AFF2: variants seen among roughly 807,000 people sequenced by gnomAD.
The protein encoded by AFF2 is AF4/FMR2 family member 2.
AFF2 carries 14 observed loss-of-function variants against 76.9 expected under a neutral mutation model. The ratio of observed to expected loss-of-function variants is 0.18; its 90% CI spans 0.12 to 0.28. AFF2 has a LOEUF of 0.28. AFF2 is among the 10% of genes least tolerant of loss of function. AFF2 has a pLI of 1.00. For synonymous variants in AFF2, 398 were observed against 366.7 expected (o/e 1.09, Z -0.98); for missense variants, 868 against 1,001.1 (o/e 0.87, Z 1.79).
intron 1 of AFF2, among the ~76,000 whole-genome samples, chrX:148,585,713 C>T (rs887779165): frequency 5.5e-5 from 6 of 109,266 alleles, no homozygotes; most frequent in Non-Finnish European, 9.5e-5. Flanking sequence ...TGGTGGCAGG[C>T]GCCTGTATTC....
In AFF2 at chrX:148,898,353, A is replaced by G. The variant is rs561139045; in HGVS notation, c.1360-5868A>G. ...ATGAAGGATTATGACAATGAGAGCA[A>G]TGTGATCAAAGTGGAGCCTTAGGAG... On this transcript the variant is annotated intron_variant, in intron 8 of 20. Transcript: ENST00000370460. Among the ~76,000 whole-genome samples the G allele has an allele frequency of 2.0e-3, 227 of 112,589 alleles. 11 individuals carry two copies. The South Asian group carries it at 0.08, about 40-fold the overall frequency.
chrX:148,809,412 A>G (rs1337139990), intron 3 of AFF2, among the ~76,000 whole-genome samples: 1 of 112,342 alleles, frequency 8.9e-6, no homozygotes, highest in East Asian at 2.8e-4. Context: ...CAAGCATGCA[A>G]TTTACACAGG....
chrX:148,635,610 G>T (rs782357527), intron 1 of AFF2, among the ~76,000 whole-genome samples: 1 of 111,788 alleles, frequency 8.9e-6, no homozygotes, highest in Non-Finnish European at 1.9e-5. Context: ...CATCAGAGAG[G>T]AATAAGTGAC....
chrX:148,512,629 A>C (rs1168186216), intron 1 of AFF2, among the ~76,000 whole-genome samples: 2 of 112,608 alleles, frequency 1.8e-5, no homozygotes, highest in African/African-American at 6.5e-5. Context: ...ATTTTACCCA[A>C]CAGCTACGCA....
intron 1 of AFF2, among the ~76,000 whole-genome samples, chrX:148,512,180 A>G (rs1326900626): frequency 1.8e-5 from 2 of 112,154 alleles, no homozygotes; most frequent in Non-Finnish European, 1.9e-5. Flanking sequence ...GACCTTTTTA[A>G]AAAAAATAAC....
At chrX:148,709,976 A>T (rs1557262762) in intron 3 of AFF2, among the ~76,000 whole-genome samples, 3 of 111,694 alleles carry the variant, frequency 2.7e-5, no homozygotes, top group Non-Finnish European at 3.8e-5. Context: ...TAGGTTCATG[A>T]CCTATAAATA....
rs782653301 is a variant in AFF2 at position 148,533,592 on chromosome X, C to T, written c.47+32448C>T. 1.4e-4 allele frequency among the ~76,000 whole-genome samples: 16 copies of T among 111,529 alleles called. No individual in the cohort carries two copies. The South Asian group carries it at 3.4e-3, about 24-fold the overall frequency. On this transcript the variant is annotated intron_variant, in intron 1 of 20. Transcript: ENST00000370460. ...CAGGCATGAGCCACTGCACCTGGCC[C>T]GATAATTTGTTTTATGTTAGTTTCT...
In AFF2 at chrX:148,934,155, G is replaced by A. The variant is rs781948827; in HGVS notation, c.1398-19425G>A. Reference sequence around the variant, plus strand: ...TCAGTCAAATACCTGGTTTGTGGTTGATCACCAGTCAGCTTTCAAAATAAA... The same window carrying A: ...TCAGTCAAATACCTGGTTTGTGGTTAATCACCAGTCAGCTTTCAAAATAAA... On this transcript the variant is annotated intron_variant, in intron 9 of 20. Transcript: ENST00000370460. Among the ~76,000 whole-genome samples the A allele has an allele frequency of 7.9e-4, 89 of 112,700 alleles. 1 individual carries two copies. Among genetic ancestry groups the A allele is most frequent in the Non-Finnish European group, 9.4e-4 (50 of 53,325 alleles).
chrX:148,588,499 G>A (rs1181668473), intron 1 of AFF2, among the ~76,000 whole-genome samples: 3 of 112,267 alleles, frequency 2.7e-5, no homozygotes, highest in Non-Finnish European at 3.8e-5. Flanking sequence ...TTGAGTTTGC[G>A]GAGTCGTTCA....
At chrX:148,922,808 C>A (rs1569557137) in intron 9 of AFF2, among the ~76,000 whole-genome samples, 1 of 111,824 alleles carries the variant, frequency 8.9e-6, no homozygotes, top group East Asian at 2.8e-4. Flanking sequence ...CACTTACCAT[C>A]CCTTTTCTCC....
Position 148,662,479 on chromosome X carries a change from C to T in AFF2, c.752C>T (p.Ser251Phe). The change falls in exon 3 of 21, where the codon TCT becomes TTT. Residue 251 changes from serine (S) to phenylalanine (F), a missense_variant. Ser to Phe is a radical substitution (Grantham distance 155, BLOSUM62 -2). Coordinates refer to ENST00000370460, the MANE Select transcript of AFF2 (RefSeq NM_002025.4). Reference sequence around the variant, plus strand: ...GAATTCGCCGTGCAAGCGCCTGGGTCTCCCCTAGTGGCTTCCTCTTTATTA... The same window carrying T: ...GAATTCGCCGTGCAAGCGCCTGGGTTTCCCCTAGTGGCTTCCTCTTTATTA... ...ESEFAVQAPG[S>F]PLVASSLLAP... 1 of 1,212,100 alleles carries T rather than the reference C, an allele frequency of 8.3e-7. No homozygotes were observed. Among genetic ancestry groups the T allele is most frequent in the Non-Finnish European group, 1.1e-6 (1 of 895,577 alleles).
intron 9 of AFF2, among the ~76,000 whole-genome samples, chrX:148,940,999 A>G (rs2071827865): frequency 8.9e-6 from 1 of 112,033 alleles, no homozygotes; most frequent in Non-Finnish European, 1.9e-5. Flanking sequence ...CAGGCATAAG[A>G]ACTTCTGTTT....
At chrX:148,646,309 T>C (rs2054142653) in intron 1 of AFF2, among the ~76,000 whole-genome samples, 1 of 111,805 alleles carries the variant, frequency 8.9e-6, no homozygotes, top group Admixed American at 9.5e-5. Flanking sequence ...TAGTTATATC[T>C]CAATCAAGCT....
intron 1 of AFF2, among the ~76,000 whole-genome samples, chrX:148,510,262 A>G (rs2052468207): frequency 8.9e-6 from 1 of 111,959 alleles, no homozygotes; most frequent in African/African-American, 3.2e-5. Flanking sequence ...ATTAATAGTA[A>G]TAATTTAAGC....
intron 1 of AFF2, among the ~76,000 whole-genome samples, chrX:148,587,889 C>A (rs2053484067): frequency 1.8e-5 from 2 of 112,654 alleles, no homozygotes; most frequent in Non-Finnish European, 3.7e-5. Flanking sequence ...ATTTCCCAGA[C>A]ACTCTGCATA....
intron 3 of AFF2, among the ~76,000 whole-genome samples, chrX:148,771,885 G>T (rs1191897682): frequency 9.0e-6 from 1 of 111,697 alleles, no homozygotes; most frequent in African/African-American, 3.2e-5. Flanking sequence ...TCTGTGACGT[G>T]TATATATGCA....
intron 4 of AFF2, among the ~76,000 whole-genome samples, chrX:148,834,077 T>C (rs1298020340): frequency 2.7e-5 from 3 of 112,226 alleles, no homozygotes; most frequent in Non-Finnish European, 5.6e-5. Context: ...TGGTGGAAAA[T>C]TGAGCCTTTT....
At chrX:148,908,769 G>GA (rs1278395234) in intron 9 of AFF2, among the ~76,000 whole-genome samples, 2 of 111,546 alleles carry the variant, frequency 1.8e-5, no homozygotes, top group African/African-American at 6.5e-5. Flanking sequence ...GCAAATGGTT[G>GA]AAAAAAATAA....
intron 9 of AFF2, among the ~76,000 whole-genome samples, chrX:148,940,981 C>CA (rs781976735): frequency 5.4e-5 from 6 of 111,742 alleles, no homozygotes; most frequent in Non-Finnish European, 1.1e-4. Flanking sequence ...TGCTGTCATT[C>CA]AAAATAACAG....
Sources: allele counts gnomAD v4.1 joint callset (sites outside exome capture counted in the v4.1 genomes callset), GRCh38; gene constraint gnomAD v4.1.1; transcripts MANE v1.5; gene names NCBI Gene and HGNC (gene_info 2026-07-23, HGNC 2026-07-21).